The following PBRM1 variants were observed in gnomAD, a reference collection of about 807,000 sequenced individuals.
PBRM1 encodes polybromo 1.
Under a neutral mutation model 194.5 loss-of-function variants are expected in PBRM1, and 27 were observed. The observed-to-expected ratio is 0.14, with a 90% CI of 0.10 to 0.19. The LOEUF (loss-of-function observed/expected upper bound fraction) is 0.19, where lower values mean the gene tolerates loss of function less well. PBRM1 is among the 10% of genes least tolerant of loss of function. The probability of loss-of-function intolerance (pLI) is 1.00; values close to 1 mark genes in which losing one functional copy is unlikely to be tolerated. For synonymous variants in PBRM1, 655 were observed against 693.2 expected (o/e 0.94, Z 0.87); for missense variants, 1,466 against 2,077.2 (o/e 0.71, Z 5.72).
chr3:52,639,507 C>T (rs1237671809), intron 10 of PBRM1, among the ~76,000 whole-genome samples: 1 of 151,822 alleles, frequency 6.6e-6, no homozygotes, highest in African/African-American at 2.4e-5. Flanking sequence ...CCTCAACCTC[C>T]CAGGCTCAAG....
At chr3:52,586,433 A>G (rs748790251) in exon 20 of PBRM1, 2 of 1,611,018 alleles carry the variant, frequency 1.2e-6, no homozygotes, top group South Asian at 2.2e-5. Flanking sequence ...ACCTTTTCCA[A>G]GTTAAAATTG....
chr3:52,634,906 A>C (rs1346250350), intron 10 of PBRM1, 91 bp from the exon 12 acceptor site: 1 of 870,744 alleles, frequency 1.1e-6, no homozygotes, highest in Admixed American at 2.3e-5. Context: ...TCCAGATTGA[A>C]CTAAATATAT....
At chr3:52,651,417 G>C (rs532863489) in intron 6 of PBRM1, among the ~76,000 whole-genome samples, 19 of 152,290 alleles carry the variant, frequency 1.2e-4, no homozygotes, top group African/African-American at 4.6e-4. Flanking sequence ...CTGTATGCCA[G>C]TATCAAAATT....
intron 24 of PBRM1, 122 bp from the exon 27 acceptor site, chr3:52,562,090 GAC>G (rs2083691124): frequency 1.4e-6 from 1 of 710,928 alleles, no homozygotes; most frequent in Non-Finnish European, 2.5e-6. Flanking sequence ...GGGGGGCCGA[GAC>G]AGGTGGATCA....
intron 13 of PBRM1, among the ~76,000 whole-genome samples, chr3:52,625,459 GTTCTT>G (rs2095416741): frequency 6.6e-6 from 1 of 150,778 alleles, no homozygotes; most frequent in Admixed American, 6.6e-5. Context: ...GATTTATATT[GTTCTT>G]TTATTTGTGT....
intron 22 of PBRM1, among the ~76,000 whole-genome samples, chr3:52,569,578 T>A (rs2086404212): frequency 6.6e-6 from 1 of 152,182 alleles, no homozygotes; most frequent in East Asian, 1.9e-4. Context: ...CACTGGTATA[T>A]CTAATGGGAT....
chr3:52,678,322 A>G (rs958482649), intron 2 of PBRM1, among the ~76,000 whole-genome samples, 178 bp downstream of exon 3: 1 of 152,140 alleles, frequency 6.6e-6, no homozygotes, highest in African/African-American at 2.4e-5. Flanking sequence ...GGCTCAACAG[A>G]TTTTTAATTT....
At chr3:52,663,704 AATTAG>A (rs2096771825) in intron 3 of PBRM1, among the ~76,000 whole-genome samples, 1 of 152,246 alleles carries the variant, frequency 6.6e-6, no homozygotes, top group South Asian at 2.1e-4. Context: ...GAATTCAAAT[AATTAG>A]ATTATCAGAA....
At chr3:52,577,669 C>T (rs570603138) in intron 21 of PBRM1, among the ~76,000 whole-genome samples, 1 of 152,258 alleles carries the variant, frequency 6.6e-6, no homozygotes, top group Non-Finnish European at 1.5e-5. Context: ...AGACCCCACA[C>T]TCCATTTATC....
chr3:52,637,773 C>CAAAAAA (rs755241328), intron 10 of PBRM1, among the ~76,000 whole-genome samples: 41 of 42,230 alleles, frequency 9.7e-4, no homozygotes, highest in African/African-American at 1.4e-3. Flanking sequence ...ACTAAAAATA[C>CAAAAAA]AAAAAAAAAA....
At chr3:52,621,033 T>C (rs948479028) in intron 13 of PBRM1, among the ~76,000 whole-genome samples, 19 of 152,344 alleles carry the variant, frequency 1.2e-4, no homozygotes, top group African/African-American at 4.1e-4. Context: ...CTGTATTAGG[T>C]TGGGCAGCTG....
intron 20 of PBRM1, among the ~76,000 whole-genome samples, chr3:52,584,775 A>G (rs2092097032): frequency 1.3e-5 from 2 of 152,060 alleles, no homozygotes; most frequent in Admixed American, 6.6e-5. Flanking sequence ...TTTATTGTCA[A>G]TATTTTTACT....
At chr3:52,670,949 G>A (rs1219437410) in intron 2 of PBRM1, among the ~76,000 whole-genome samples, 1 of 152,184 alleles carries the variant, frequency 6.6e-6, no homozygotes, top group African/African-American at 2.4e-5. Flanking sequence ...CAATACGAGA[G>A]CTGAAGTGTG....
At chr3:52,551,837 C>G (rs1434098910) in intron 27 of PBRM1, 1 of 152,156 alleles carries the variant, frequency 6.6e-6, no homozygotes, top group East Asian at 1.9e-4. Context: ...AGAAGCAGCT[C>G]CTCATTCTAA....
chr3:52,651,458 A>G (rs953153947), intron 6 of PBRM1, among the ~76,000 whole-genome samples: 1 of 152,232 alleles, frequency 6.6e-6, no homozygotes, highest in Non-Finnish European at 1.5e-5. Context: ...TACACCTGCT[A>G]TGCACCCACA....
intron 6 of PBRM1, among the ~76,000 whole-genome samples, chr3:52,650,456 A>G (rs924322992): frequency 6.6e-6 from 1 of 151,186 alleles, no homozygotes; most frequent in Admixed American, 6.6e-5. Context: ...CTGTGGTACT[A>G]GTAAGTAAAC....
rs71084193 is a variant in PBRM1 at position 52,577,430 on chromosome 3, C to CAA, written c.3534-734_3534-733dup. 8.6e-3 allele frequency among the ~76,000 whole-genome samples: 562 copies of CAA among 65,674 alleles called. 19 individuals carry two copies. The highest frequency in any genetic ancestry group is 0.011 in the Non-Finnish European group (409 of 36,678). The allele number at this position is 65,674 out of a possible 152,430, so 43.1% of individuals were successfully genotyped here. On this transcript the variant is annotated intron_variant, in intron 21 of 29. Coordinates refer to ENST00000296302, the Ensembl canonical transcript of PBRM1. ...TAGGTGACAGAACCAGACAATGTCT[C>CAA]AAAAAAAAAAAAAAAAAAAAAAAAA...
chr3:52,607,343 C>A (rs180820687), intron 16 of PBRM1, among the ~76,000 whole-genome samples: 150 of 152,240 alleles, frequency 9.9e-4, no homozygotes, highest in Non-Finnish European at 1.5e-3. Context: ...AAGCTCTGGG[C>A]ATGAGGGTAA....
chr3:52,573,815 CTG>C (rs1229616427), intron 22 of PBRM1, among the ~76,000 whole-genome samples: 6 of 152,308 alleles, frequency 3.9e-5, no homozygotes, highest in African/African-American at 1.4e-4. Context: ...CAGGAAAGCT[CTG>C]TGGCATTTTA....
Sources: gnomAD v4.1 joint callset for allele counts (sites outside exome capture counted in the v4.1 genomes callset) on GRCh38, gnomAD v4.1.1 for gene constraint, MANE v1.5 for transcripts, NCBI Gene and HGNC (gene_info 2026-07-23, HGNC 2026-07-21) for gene names.